Variants in GK5 observed in about 807,000 individuals in gnomAD.
GK5 encodes glycerol kinase 5, also known as ATP:glycerol 3-phosphotransferase 5.
GK5 carries 39 observed loss-of-function variants against 77.3 expected under a neutral mutation model. The observed-to-expected ratio is 0.50, with a 90% CI of 0.39 to 0.66. GK5 has a LOEUF of 0.66. GK5 is among the 30% of genes least tolerant of loss of function. The pLI is 0.00. For missense variants in GK5, 487 were observed against 633.8 expected (o/e 0.77, Z 2.49); for synonymous variants, 211 against 208.0 (o/e 1.01, Z -0.13).
intron 2 of GK5, 68 bp downstream of exon 2, chr3:142,215,531 A>T: frequency 1.3e-6 from 1 of 771,806 alleles, no homozygotes. Context: ...ACAACTACAG[A>T]AGCCTGAGGA....
At chr3:142,178,408 A>G (rs2063650919) in intron 11 of GK5, among the ~76,000 whole-genome samples, 1 of 152,230 alleles carries the variant, frequency 6.6e-6, no homozygotes, top group African/African-American at 2.4e-5. Context: ...AAGACAATTA[A>G]TTTAGTAAAC....
intron 2 of GK5, among the ~76,000 whole-genome samples, chr3:142,214,740 C>T (rs1269246421): frequency 2.0e-5 from 3 of 152,040 alleles, no homozygotes; most frequent in Non-Finnish European, 4.4e-5. Context: ...TTTTTGTTTT[C>T]ACTAAGACAA....
chr3:142,177,595 A>G lies in GK5; in HGVS notation c.1049-19T>C. ...AAAAGGTCTGCAAAAACAAACAAAC[A>G]ACAAAAAACCCTAAAACAAAATGAA... On this transcript the variant is annotated intron_variant, in intron 11 of 15. Coordinates refer to ENST00000392993, the MANE Select transcript of GK5 (RefSeq NM_001039547.3). 1 of 1,501,728 alleles carries G rather than the reference A, an allele frequency of 6.7e-7. No homozygotes were observed. Among genetic ancestry groups the G allele is most frequent in the Non-Finnish European group, 9.2e-7 (1 of 1,087,006 alleles). 93.0% of individuals were successfully genotyped at this position (1,501,728 alleles called of 1,614,324 possible).
intron 5 of GK5, among the ~76,000 whole-genome samples, chr3:142,198,310 A>G (rs991127945): frequency 8.5e-5 from 13 of 152,092 alleles, no homozygotes; most frequent in Admixed American, 5.9e-4. Context: ...AAAGAATTCC[A>G]CTGATATAAA....
At chr3:142,220,635 A>G (rs1206502534) in intron 1 of GK5, among the ~76,000 whole-genome samples, 1 of 152,144 alleles carries the variant, frequency 6.6e-6, no homozygotes, top group Non-Finnish European at 1.5e-5. Flanking sequence ...TTCTCCTCAG[A>G]ATGTGAGTTC....
intron 13 of GK5, 89 bp downstream of exon 13, chr3:142,172,264 A>G: frequency 3.3e-6 from 2 of 613,832 alleles, no homozygotes; most frequent in Non-Finnish European, 5.8e-6. Context: ...ATTTAATTAA[A>G]ATTAAGAAAT....
In GK5 at chr3:142,165,451, A is replaced by G. The variant is rs2063462916; in HGVS notation, c.*171T>C. On this transcript the variant is annotated 3_prime_UTR_variant, in exon 16 of 16. Transcript: ENST00000392993. Reference sequence around the variant, plus strand: ...CCTTACCATGGTTTAGGGGAAAAAAATAAGAGTTTTTTGTTCCGTTTTGTT... The same window carrying G: ...CCTTACCATGGTTTAGGGGAAAAAAGTAAGAGTTTTTTGTTCCGTTTTGTT... The G allele has an allele frequency of 4.2e-6, 2 of 474,770 alleles. No homozygotes were observed. Among genetic ancestry groups the G allele is most frequent in the Admixed American group, 4.2e-5 (1 of 24,064 alleles). 29.4% of individuals were successfully genotyped at this position (474,770 alleles called of 1,614,324 possible). A position where few individuals can be genotyped will look rare whatever the true frequency, so the allele number is the denominator to read the frequency against.
intron 5 of GK5, among the ~76,000 whole-genome samples, chr3:142,193,204 A>G (rs1005042127): frequency 2.0e-4 from 30 of 152,242 alleles, no homozygotes; most frequent in African/African-American, 7.2e-4. Context: ...TATGGAAACT[A>G]TATTTACTGC....
In GK5 at chr3:142,181,557, G is replaced by A. The variant is rs767094228; in HGVS notation, c.952C>T (p.Pro318Ser). ...SLQQTTGGFY[P>S]LIGWKIGQEV... Reference sequence around the variant, plus strand: ...TGCCCAATCTTCCACCCAATTAATGGATAAAAGCCTTGCAAAACAAACAAC... The same window carrying A: ...TGCCCAATCTTCCACCCAATTAATGAATAAAAGCCTTGCAAAACAAACAAC... The change falls in exon 11 of 16, where the codon CCA becomes TCA. Residue 318 changes from proline to serine, a missense_variant. Physicochemically the swap from Pro to Ser is moderately conservative, Grantham distance 74 (BLOSUM62 -1). This residue lies in a region of GK5 where 323 missense variants were observed against 437.4 expected (regional missense o/e 0.74). Transcript: ENST00000392993. 6.2e-7 allele frequency: 1 copy of A among 1,609,402 alleles called. No homozygotes were observed. Among genetic ancestry groups the A allele is most frequent in the South Asian group, 1.1e-5 (1 of 90,574 alleles).
chr3:142,177,695 T>C (rs1577111689), intron 11 of GK5, 119 bp from the exon 12 acceptor site: 1 of 661,736 alleles, frequency 1.5e-6, no homozygotes, highest in Non-Finnish European at 2.7e-6. Context: ...ATGAATATAA[T>C]GTAAAAGATT....
chr3:142,191,569 G>A (rs2063851130), intron 5 of GK5, among the ~76,000 whole-genome samples: 1 of 151,554 alleles, frequency 6.6e-6, no homozygotes, highest in Non-Finnish European at 1.5e-5. Context: ...TGGGCGCTGT[G>A]TCTCTTGCCT....
intron 6 of GK5, among the ~76,000 whole-genome samples, chr3:142,187,266 G>C (rs1242919105): frequency 6.6e-6 from 1 of 151,668 alleles, no homozygotes; most frequent in Non-Finnish European, 1.5e-5. Context: ...TGTTAATAGG[G>C]TACCAAAGAG....
chr3:142,177,512 A>C lies in GK5; in HGVS notation c.1113T>G (p.Val371=). The change falls in exon 12 of 16, where the codon GTT becomes GTG. Residue 371 remains valine, a synonymous_variant. Coordinates refer to ENST00000392993, the MANE Select transcript of GK5 (RefSeq NM_001039547.3). ...ATCCACTAAAAGATGGAACAAAACA[A>C]ACTCCTTCAGAATCCTCCAAACTTT... is the stretch of plus-strand genomic sequence containing the variant. ...MAKSLEDSEG[V]CFVPSFSGLQ... is the part of the protein sequence containing the mutation. The C allele has an allele frequency of 6.2e-7, 1 of 1,611,504 alleles. No individual in the cohort carries two copies. Among genetic ancestry groups the C allele is most frequent in the Non-Finnish European group, 8.5e-7 (1 of 1,177,798 alleles).
intron 5 of GK5, among the ~76,000 whole-genome samples, chr3:142,198,522 G>C (rs902276759): frequency 1.3e-5 from 2 of 152,174 alleles, no homozygotes; most frequent in African/African-American, 4.8e-5. Flanking sequence ...GCTGTGGCAG[G>C]AGAATCACTT....
intron 5 of GK5, among the ~76,000 whole-genome samples, chr3:142,191,403 TA>T (rs199600925): frequency 5.3e-5 from 8 of 150,300 alleles, no homozygotes; most frequent in Non-Finnish European, 1.0e-4. Context: ...GTCTACACAT[TA>T]AAAAAAAACT....
At chr3:142,172,514 T>G (rs2063552891) in intron 12 of GK5, 58 bp from the exon 13 acceptor site, 2 of 902,228 alleles carry the variant, frequency 2.2e-6, no homozygotes, top group East Asian at 5.2e-5. Flanking sequence ...TCTACGGACT[T>G]GAGGAAATAC....
chr3:142,198,105 G>A (rs1320049284), intron 5 of GK5, among the ~76,000 whole-genome samples: 1 of 150,758 alleles, frequency 6.6e-6, no homozygotes, highest in Non-Finnish European at 1.5e-5. Context: ...GCAATTACAT[G>A]TACACCAAGA....
At chr3:142,173,867 C>G (rs1386886051) in intron 12 of GK5, among the ~76,000 whole-genome samples, 1 of 152,142 alleles carries the variant, frequency 6.6e-6, no homozygotes, top group Non-Finnish European at 1.5e-5. Context: ...AGAAAAAGCA[C>G]CTTCTAGCTT....
intron 3 of GK5, among the ~76,000 whole-genome samples, chr3:142,205,245 T>C (rs537594340): frequency 2.6e-5 from 4 of 152,168 alleles, no homozygotes; most frequent in African/African-American, 7.2e-5. Flanking sequence ...CTCCAATAAA[T>C]AGAAATTCAA....
Sources: allele counts gnomAD v4.1 joint callset (sites outside exome capture counted in the v4.1 genomes callset), GRCh38; gene constraint gnomAD v4.1.1; regional missense constraint gnomAD v4.1.1; transcripts MANE v1.5; gene names NCBI Gene and HGNC (gene_info 2026-07-23, HGNC 2026-07-21).